Variants in DOCK4 observed in about 807,000 individuals in gnomAD.
The protein encoded by DOCK4 is dedicator of cytokinesis 4, also known as dedicator of cytokinesis protein 4.
In DOCK4, 97 loss-of-function variants were observed where a neutral mutation model predicts 268.1. The ratio of observed to expected loss-of-function variants is 0.36; its 90% CI spans 0.31 to 0.43. The LOEUF (loss-of-function observed/expected upper bound fraction) is 0.43. Ranked by LOEUF, DOCK4 falls within the 20% of genes least tolerant of loss-of-function variation. The pLI is 1.00. For synonymous variants in DOCK4, 954 were observed against 887.2 expected (o/e 1.08, Z -1.34); for missense variants, 2,145 against 2,455.7 (o/e 0.87, Z 2.67).
chr7:112,017,728 A>C (rs369480616), intron 1 of DOCK4, among the ~76,000 whole-genome samples: 1 of 152,080 alleles, frequency 6.6e-6, no homozygotes, highest in East Asian at 1.9e-4. Context: ...TGAGAACACC[A>C]ATCTCTCAAC....
chr7:111,750,979 G>A (rs1299711319), intron 42 of DOCK4, among the ~76,000 whole-genome samples: 2 of 152,100 alleles, frequency 1.3e-5, no homozygotes, highest in African/African-American at 4.8e-5. Flanking sequence ...AATATTTAGT[G>A]AGAGGACATT....
intron 40 of DOCK4, 99 bp downstream of exon 40, chr7:111,760,082 T>G: frequency 2.0e-6 from 3 of 1,470,578 alleles, no homozygotes; most frequent in Non-Finnish European, 2.8e-6. Flanking sequence ...GATGTGGCTA[T>G]TGAAAAGGGA....
intron 21 of DOCK4, 69 bp downstream of exon 21, chr7:111,869,505 C>A (rs1440158528): frequency 5.1e-6 from 7 of 1,375,934 alleles, no homozygotes; most frequent in African/African-American, 1.4e-5. Flanking sequence ...TGTAGAGGAA[C>A]CAATTAGTTT....
intron 1 of DOCK4, among the ~76,000 whole-genome samples, chr7:112,041,239 G>C (rs908274593): frequency 6.6e-6 from 1 of 152,194 alleles, no homozygotes; most frequent in Non-Finnish European, 1.5e-5. Flanking sequence ...AGACCCTGAG[G>C]TGTAGCTGTC....
intron 25 of DOCK4, among the ~76,000 whole-genome samples, chr7:111,837,838 GT>G (rs1803347368): frequency 6.6e-6 from 1 of 152,102 alleles, no homozygotes. Flanking sequence ...TATAATCCCA[GT>G]ACTTTGGGAG....
rs985144879 is a variant in DOCK4 at position 111,944,947 on chromosome 7, A to C, written c.784-76T>G. 4.2e-6 allele frequency: 5 copies of C among 1,203,624 alleles called. No homozygotes were observed. The African/African-American group carries it at 7.7e-5, about 18-fold the overall frequency. 74.6% of individuals were successfully genotyped at this position (1,203,624 alleles called of 1,614,324 possible). On this transcript the variant is annotated intron_variant, in intron 9 of 52. Transcript: ENST00000428084. ...AGGGCATAGCACTTTATTTTCACAA[A>C]TAAAAGAAGAAAGAGATGGACACAG...
chr7:111,900,669 G>T lies in DOCK4; in HGVS notation c.1318-133C>A, dbSNP rs914424173. 5.6e-6 allele frequency: 5 copies of T among 893,978 alleles called. No individual in the cohort carries two copies. In the African/African-American group the frequency reaches 8.4e-5, roughly 15 times the overall value. The allele number at this position is 893,978 out of a possible 1,614,324, so 55.4% of individuals were successfully genotyped here. ...GAAATTACCTCGCTGGGCCTTTGCC[G>T]TGTGTTTCTGTACTTGCTGCTGCTT... On this transcript the variant is annotated intron_variant, in intron 14 of 52. Transcript: ENST00000428084.
At chr7:111,876,153 C>A (rs1262738730) in intron 17 of DOCK4, among the ~76,000 whole-genome samples, 1 of 152,124 alleles carries the variant, frequency 6.6e-6, no homozygotes, top group African/African-American at 2.4e-5. Context: ...AAATTAACTA[C>A]TGAATGCTGA....
At position 111,844,385 on chromosome 7, in the gene DOCK4, G is replaced by A. The variant is rs1375031269; in HGVS notation, c.2736+378C>T. On this transcript the variant is annotated intron_variant, in intron 25 of 52. Transcript: ENST00000428084. ...CTAGTCAGAGTGAAAAATTTGGAATGAAAACTCAGGGCCCTGACTCCTATT... is the reference window on the plus strand; with the variant it reads ...CTAGTCAGAGTGAAAAATTTGGAATAAAAACTCAGGGCCCTGACTCCTATT... 3.9e-5 allele frequency among the ~76,000 whole-genome samples: 6 copies of A among 152,314 alleles called. No individual in the cohort carries two copies. The East Asian group carries it at 1.2e-3, about 29-fold the overall frequency.
intron 1 of DOCK4, among the ~76,000 whole-genome samples, chr7:112,124,186 G>C (rs1813007105): frequency 6.6e-6 from 1 of 151,794 alleles, no homozygotes; most frequent in Non-Finnish European, 1.5e-5. Flanking sequence ...CACCACACTC[G>C]ACTATTTTAT....
intron 16 of DOCK4, among the ~76,000 whole-genome samples, chr7:111,888,321 G>A (rs1052523719): frequency 6.6e-6 from 1 of 150,994 alleles, no homozygotes; most frequent in Non-Finnish European, 1.5e-5. Flanking sequence ...TTCCTATGCA[G>A]GCACAGTAGA....
intron 47 of DOCK4, among the ~76,000 whole-genome samples, chr7:111,740,493 G>A (rs543669247): frequency 2.7e-5 from 4 of 150,804 alleles, no homozygotes; most frequent in Admixed American, 6.6e-5. Context: ...AGCACTTTGG[G>A]AGGCCAAATT....
intron 32 of DOCK4, 26 bp downstream of exon 32, chr7:111,788,636 C>T: frequency 6.4e-7 from 1 of 1,551,658 alleles, no homozygotes; most frequent in South Asian, 1.2e-5. Context: ...AGAATGGAAT[C>T]AACTTGAGAT....
At position 111,809,112 on chromosome 7, in the gene DOCK4, G is replaced by A. The variant is rs114961125; in HGVS notation, c.3107+189C>T. 5.5e-3 allele frequency among the ~76,000 whole-genome samples: 835 copies of A among 152,252 alleles called. 9 individuals carry two copies. Among genetic ancestry groups the A allele is most frequent in the African/African-American group, 0.019 (784 of 41,548 alleles). ...TATAGAAATTTTGAATCCTGAAAGAGCCAGGTCAAAACAATGTGCAAACAT... is the reference window on the plus strand; with the variant it reads ...TATAGAAATTTTGAATCCTGAAAGAACCAGGTCAAAACAATGTGCAAACAT... On this transcript the variant is annotated intron_variant, in intron 29 of 52. Coordinates refer to ENST00000428084, the MANE Select transcript of DOCK4 (RefSeq NM_001363540.2).
chr7:112,163,760 C>A (rs1817347394), intron 1 of DOCK4, among the ~76,000 whole-genome samples: 1 of 152,072 alleles, frequency 6.6e-6, no homozygotes, highest in Non-Finnish European at 1.5e-5. Context: ...GCCCCAGACC[C>A]ACAGCCAGTA....
At chr7:112,133,294 T>A (rs1043869173) in intron 1 of DOCK4, among the ~76,000 whole-genome samples, 4 of 152,162 alleles carry the variant, frequency 2.6e-5, no homozygotes, top group Admixed American at 1.3e-4. Context: ...CCAGGGCTGA[T>A]CGAGAGAGAA....
chr7:111,997,122 T>C (rs1800030193), intron 4 of DOCK4, among the ~76,000 whole-genome samples: 1 of 152,102 alleles, frequency 6.6e-6, no homozygotes, highest in Admixed American at 6.5e-5. Context: ...GAACAAAGAG[T>C]AAGCATATGG....
At chr7:112,147,866 G>A (rs1374122474) in intron 1 of DOCK4, among the ~76,000 whole-genome samples, 2 of 123,288 alleles carry the variant, frequency 1.6e-5, no homozygotes, top group Non-Finnish European at 3.2e-5. Context: ...TTGAAAGCTT[G>A]AATTTAATTA....
At chr7:111,795,051 G>A (rs567516868) in intron 30 of DOCK4, among the ~76,000 whole-genome samples, 1 of 152,276 alleles carries the variant, frequency 6.6e-6, no homozygotes, top group South Asian at 2.1e-4. Flanking sequence ...TGATGGGAGA[G>A]TGCAATCACA....
Sources: allele counts gnomAD v4.1 joint callset (sites outside exome capture counted in the v4.1 genomes callset), GRCh38; gene constraint gnomAD v4.1.1; transcripts MANE v1.5; gene names NCBI Gene and HGNC (gene_info 2026-07-23, HGNC 2026-07-21).